Variants in NOP53 observed in about 807,000 individuals in gnomAD.
NOP53 encodes the protein ribosome biogenesis protein NOP53.
A neutral mutation model predicts 61.0 loss-of-function variants in NOP53; 40 were observed. That is an observed-to-expected ratio of 0.66 (90% CI 0.51 to 0.85). The LOEUF (loss-of-function observed/expected upper bound fraction) is 0.85, where lower values mean the gene tolerates loss of function less well. Ranked by LOEUF, NOP53 falls within the 40% of genes least tolerant of loss-of-function variation. NOP53 has a pLI of 0.00. For missense variants in NOP53, 689 were observed against 652.9 expected, an observed-to-expected ratio of 1.06 and a Z score of -0.60; for synonymous variants, 308 against 289.5, an observed-to-expected ratio of 1.06 and a Z score of -0.65.
chr19:47,745,823 G>T, intron 1 of NOP53, 40 bp downstream of exon 1: 1 of 1,376,188 alleles, frequency 7.3e-7, no homozygotes, highest in Non-Finnish European at 9.7e-7. Flanking sequence ...GACGGTTCCT[G>T]CGCCCAGGTG....
At position 47,754,294 on chromosome 19, in the gene NOP53, GCGTGCAGGTCAGACTGCCTTCACAGA is replaced by G. The variant is rs1220424436; in HGVS notation, c.766-225_766-200del. 9 of 490,174 alleles carry G rather than the reference GCGTGCAGGTCAGACTGCCTTCACAGA, an allele frequency of 1.8e-5. No individual in the cohort carries two copies. The highest frequency in any genetic ancestry group is 3.3e-5 in the Non-Finnish European group (9 of 274,534). The allele number at this position is 490,174 out of a possible 1,614,324, so 30.4% of individuals were successfully genotyped here. On this transcript the variant is annotated intron_variant, in intron 6 of 12. Coordinates refer to ENST00000246802, the MANE Select transcript of NOP53 (RefSeq NM_015710.5). The surrounding 1 kb of genome is among the most constrained non-coding windows in gnomAD (Gnocchi z 4.2). ...CTCTATCTCAAAAAAAAAATGTGAA[GCGTGCAGGTCAGACTGCCTTCACAGA>G]CGTGCAGAGCAGGTGTGAGGGCGAG...
chr19:47,750,893 C>T lies in NOP53; in HGVS notation c.399-15C>T. 1 of 1,569,414 alleles carries T rather than the reference C, an allele frequency of 6.4e-7. No individual in the cohort carries two copies. Among genetic ancestry groups the T allele is most frequent in the East Asian group, 2.3e-5 (1 of 42,882 alleles). On this transcript the variant is annotated splice_polypyrimidine_tract_variant and intron_variant, in intron 3 of 12. Transcript: ENST00000246802. ...CACCTCACCTGCTGCACTTGTGCCC[C>T]CTCTCCCCGACCAGCGTCCTCGCCC...
intron 6 of NOP53, chr19:47,752,826 G>A (rs1239011540): frequency 3.8e-6 from 2 of 533,018 alleles, no homozygotes; most frequent in African/African-American, 3.8e-5. Context: ...CCAGCCTGGG[G>A]GGTCAGGAAG....
Position 47,752,699 on chromosome 19 carries a change from G to A in NOP53, c.765+92G>A. On this transcript the variant is annotated intron_variant, in intron 6 of 12. Coordinates refer to ENST00000246802, the MANE Select transcript of NOP53 (RefSeq NM_015710.5). Reference sequence around the variant, plus strand: ...TCCTCCCTGTGCTGGGAACTCCAATGACCCAGACAGCCCTGGGCCTGTCCG... The same window carrying A: ...TCCTCCCTGTGCTGGGAACTCCAATAACCCAGACAGCCCTGGGCCTGTCCG... 1.6e-5 allele frequency: 13 copies of A among 814,336 alleles called. No individual in the cohort carries two copies. The South Asian group carries it at 1.7e-4, about 11-fold the overall frequency. The allele number at this position is 814,336 out of a possible 1,614,324, so 50.4% of individuals were successfully genotyped here.
At chr19:47,746,035 CAA>C (rs1163739160) in intron 1 of NOP53, 3 of 499,316 alleles carry the variant, frequency 6.0e-6, no homozygotes, top group Middle Eastern at 5.2e-4. Context: ...TTTAGGTAAA[CAA>C]TGAATAATTT....
chr19:47,755,273 G>A lies in NOP53; in HGVS notation c.1054-75G>A, dbSNP rs538959051. On this transcript the variant is annotated intron_variant, in intron 8 of 12. Coordinates refer to ENST00000246802, the MANE Select transcript of NOP53 (RefSeq NM_015710.5). Reference sequence around the variant, plus strand: ...GGACAGGCAGGTTTGTGCAGGGAAGGCTCCCTGTGTAGAGAGAAGGTCTCC... The same window carrying A: ...GGACAGGCAGGTTTGTGCAGGGAAGACTCCCTGTGTAGAGAGAAGGTCTCC... 19 of 1,022,886 alleles carry A rather than the reference G, an allele frequency of 1.9e-5. No homozygotes were observed. In the South Asian group the frequency reaches 2.7e-4, roughly 14 times the overall value. The allele number at this position is 1,022,886 out of a possible 1,614,324, so 63.4% of individuals were successfully genotyped here.
intron 5 of NOP53, 124 bp downstream of exon 5, chr19:47,751,714 T>C: frequency 1.3e-6 from 1 of 752,298 alleles, no homozygotes; most frequent in Non-Finnish European, 2.3e-6. Flanking sequence ...AACTCTGTGC[T>C]GGAGCCAGGT....
chr19:47,754,486 C>T lies in NOP53; in HGVS notation c.766-41C>T. The T allele has an allele frequency of 1.4e-6, 2 of 1,405,476 alleles. No homozygotes were observed. The highest frequency in any genetic ancestry group is 9.8e-7 in the Non-Finnish European group (1 of 1,017,196). The allele number at this position is 1,405,476 out of a possible 1,614,324, so 87.1% of individuals were successfully genotyped here. ...GTAAGAGGGTCTAGTCTCAGTGTCC[C>T]AGGAGGGGTTCAGGGACCCATCCTC... On this transcript the variant is annotated intron_variant, in intron 6 of 12. Transcript: ENST00000246802. This position sits in a 1 kb window ranked among gnomAD's most constrained non-coding sequence, Gnocchi z 4.2.
At chr19:47,749,366 C>T (rs1051503861) in intron 2 of NOP53, among the ~76,000 whole-genome samples, 2 of 152,036 alleles carry the variant, frequency 1.3e-5, no homozygotes, top group Non-Finnish European at 2.9e-5. Flanking sequence ...TAAGGAAACA[C>T]GGACAAAGAT....
intron 2 of NOP53, among the ~76,000 whole-genome samples, chr19:47,748,483 G>C (rs1967089556): frequency 6.6e-6 from 1 of 152,176 alleles, no homozygotes; most frequent in Non-Finnish European, 1.5e-5. Flanking sequence ...GAGTGAGCTT[G>C]TGTGAGATCA....
At chr19:47,756,766 G>T in intron 12 of NOP53, 22 bp downstream of exon 12, 3 of 1,611,350 alleles carry the variant, frequency 1.9e-6, no homozygotes, top group Non-Finnish European at 1.7e-6. Flanking sequence ...CGGCTTCGGC[G>T]CAAGGAAGGG....
At chr19:47,747,658 C>G (rs1353030621) in intron 2 of NOP53, among the ~76,000 whole-genome samples, 1 of 151,698 alleles carries the variant, frequency 6.6e-6, no homozygotes, top group Non-Finnish European at 1.5e-5. Flanking sequence ...GCGCTGTCAT[C>G]CAGGCTGGAG....
chr19:47,755,459 CAGAGGCGGCGGCAGGCGCGGCG>C lies in NOP53; in HGVS notation c.1166_1187del (p.Gln389ArgfsTer25), dbSNP rs1568600667. 1 of 1,506,642 alleles carries C rather than the reference CAGAGGCGGCGGCAGGCGCGGCG, an allele frequency of 6.6e-7. No individual in the cohort carries two copies. Among genetic ancestry groups the C allele is most frequent in the Non-Finnish European group, 8.8e-7 (1 of 1,131,128 alleles). 93.3% of individuals were successfully genotyped at this position (1,506,642 alleles called of 1,614,324 possible). A position where few individuals can be genotyped will look rare whatever the true frequency, so the allele number is the denominator to read the frequency against. ...GAGGCTGGCGGAGCTGGCGCGGCGG[CAGAGGCGGCGGCAGGCGCGGCG>C]GGAGGCTGAGGCTGACAAGCCCCGA... On this transcript the variant is annotated frameshift_variant, in exon 9 of 13. Transcript: ENST00000246802. LOFTEE classifies it high-confidence loss of function.
At chr19:47,746,000 A>G in intron 1 of NOP53, 1 of 507,128 alleles carries the variant, frequency 2.0e-6, no homozygotes, top group African/African-American at 2.0e-5. Flanking sequence ...AGATAAATAT[A>G]CAGGACGCTC....
intron 10 of NOP53, chr19:47,756,298 C>T: frequency 1.7e-6 from 1 of 584,228 alleles, no homozygotes; most frequent in South Asian, 2.1e-5. Flanking sequence ...GTGTCGTCAC[C>T]AGCCCACTTC....
At chr19:47,748,939 A>C (rs1172547476) in intron 2 of NOP53, among the ~76,000 whole-genome samples, 1 of 152,110 alleles carries the variant, frequency 6.6e-6, no homozygotes, top group East Asian at 1.9e-4. Context: ...ATGCGGGTGG[A>C]TCACCTGAGG....
rs1485212706 is a variant in NOP53, at chr19:47,755,452, G to A, written c.1158G>A (p.Ala386=). ...AQVALRLAEL[A]RRQRRRQARR... ...TGGCCCTGAGGCTGGCGGAGCTGGC[G>A]CGGCGGCAGAGGCGGCGGCAGGCGC... Residue 386 remains alanine, a synonymous_variant, in exon 9 of 13, where the codon GCG becomes GCA. Transcript: ENST00000246802. 2.6e-6 allele frequency: 4 copies of A among 1,509,862 alleles called. No individual in the cohort carries two copies. The highest frequency in any genetic ancestry group is 3.5e-6 in the Non-Finnish European group (4 of 1,133,070). 93.5% of individuals were successfully genotyped at this position (1,509,862 alleles called of 1,614,324 possible). A position where few individuals can be genotyped will look rare whatever the true frequency, so the allele number is the denominator to read the frequency against.
intron 2 of NOP53, among the ~76,000 whole-genome samples, chr19:47,747,529 C>T (rs892044628): frequency 3.3e-5 from 5 of 152,144 alleles, no homozygotes; most frequent in South Asian, 4.1e-4. Context: ...GTAATCCCAG[C>T]TACTTGGGAG....
At position 47,754,880 on chromosome 19, in the gene NOP53, G is replaced by C; in HGVS notation, c.1042G>C (p.Val348Leu). The change falls in exon 8 of 13, where the codon GTG (valine) becomes CTG (leucine). Residue 348 changes from valine to leucine, a missense_variant. By Grantham distance (32) the Val-to-Leu change is conservative. Coordinates refer to ENST00000246802, the MANE Select transcript of NOP53 (RefSeq NM_015710.5). This position sits in a 1 kb window ranked among gnomAD's most constrained non-coding sequence, Gnocchi z 4.2. ...GCAGCAGCGGCGGCGGGAGAAGGCT[G>C]TGCACAGGCTGGTGAGCGCCTGGGC... ...TEQQRRREKA[V>L]HRLRVQQAAL... The C allele has an allele frequency of 2.0e-6, 3 of 1,514,674 alleles. No homozygotes were observed. Among genetic ancestry groups the C allele is most frequent in the Non-Finnish European group, 2.6e-6 (3 of 1,142,284 alleles). The allele number at this position is 1,514,674 out of a possible 1,614,324, so 93.8% of individuals were successfully genotyped here.
Sources: gnomAD v4.1 joint callset for allele counts (sites outside exome capture counted in the v4.1 genomes callset) on GRCh38, gnomAD v4.1.1 for gene constraint, Gnocchi (gnomAD v3.1) non-coding constraint, MANE v1.5 for transcripts, NCBI Gene and HGNC (gene_info 2026-07-23, HGNC 2026-07-21) for gene names.